The following SLC24A2 variants were observed in gnomAD, a reference collection of about 807,000 sequenced individuals.
SLC24A2 encodes solute carrier family 24 member 2.
SLC24A2 carries 36 observed loss-of-function variants against 62.0 expected under a neutral mutation model. The observed-to-expected ratio is 0.58, with a 90% CI of 0.44 to 0.77. The LOEUF (loss-of-function observed/expected upper bound fraction) is 0.77. SLC24A2 is among the 30% of genes least tolerant of loss of function. The pLI is 0.00. For missense variants in SLC24A2, 846 were observed against 817.9 expected (o/e 1.03, Z -0.42); for synonymous variants, 358 against 294.0 (o/e 1.22, Z -2.23).
chr9:20,036,326 G>C, the SLC24A2 span, among the ~76,000 whole-genome samples: 1 of 152,042 alleles, frequency 6.6e-6, no homozygotes, highest in Non-Finnish European at 1.5e-5. Flanking sequence ...GACACTTGTT[G>C]TAATGGGAAC....
the SLC24A2 span, among the ~76,000 whole-genome samples, chr9:19,843,267 C>G: frequency 9.9e-5 from 15 of 152,266 alleles, no homozygotes; most frequent in Non-Finnish European, 2.2e-4. Flanking sequence ...TTTGGGAGGC[C>G]AAGGTGGGTG....
the SLC24A2 span, among the ~76,000 whole-genome samples, chr9:20,203,749 G>A: frequency 2.0e-5 from 3 of 152,212 alleles, no homozygotes; most frequent in South Asian, 4.1e-4. Context: ...AATTAGCTGG[G>A]TGTGGTGACA....
chr9:19,971,184 A>G, the SLC24A2 span, among the ~76,000 whole-genome samples: 3 of 152,140 alleles, frequency 2.0e-5, no homozygotes, highest in African/African-American at 7.2e-5. Context: ...CCTAGCTGAA[A>G]CTATCCTAGG....
chr9:19,658,504 G>C (rs151267333), intron 2 of SLC24A2, among the ~76,000 whole-genome samples: 1 of 152,212 alleles, frequency 6.6e-6, no homozygotes, highest in African/African-American at 2.4e-5. Flanking sequence ...TGAGCACCAA[G>C]TTAAAAAGCC....
At chr9:20,152,910 A>G in the SLC24A2 span, among the ~76,000 whole-genome samples, 3 of 151,974 alleles carry the variant, frequency 2.0e-5, no homozygotes, top group East Asian at 1.9e-4. Flanking sequence ...CAAAACTCTT[A>G]GAATTTGGAG....
At chr9:20,171,049 T>C in the SLC24A2 span, among the ~76,000 whole-genome samples, 4 of 152,010 alleles carry the variant, frequency 2.6e-5, no homozygotes, top group Admixed American at 6.6e-5. Flanking sequence ...CTAGAAGGGA[T>C]TGGGGCCCTA....
the SLC24A2 span, among the ~76,000 whole-genome samples, chr9:19,846,346 C>T: frequency 4.6e-5 from 7 of 151,976 alleles, no homozygotes; most frequent in Non-Finnish European, 2.9e-5. Context: ...TTATGTAATG[C>T]CTTTCTTTGT....
At chr9:20,306,983 T>TGA in the SLC24A2 span, among the ~76,000 whole-genome samples, 1 of 152,124 alleles carries the variant, frequency 6.6e-6, no homozygotes, top group Non-Finnish European at 1.5e-5. Context: ...CAGATCTTAA[T>TGA]GTTATTTTCT....
At chr9:20,236,316 C>T in the SLC24A2 span, among the ~76,000 whole-genome samples, 2 of 152,250 alleles carry the variant, frequency 1.3e-5, no homozygotes, top group East Asian at 1.9e-4. Flanking sequence ...AAGACAGATA[C>T]ATACAATACT....
chr9:20,273,807 T>C, the SLC24A2 span, among the ~76,000 whole-genome samples: 3 of 152,340 alleles, frequency 2.0e-5, no homozygotes, highest in Non-Finnish European at 4.4e-5. Flanking sequence ...TGTTCAATCA[T>C]ATTTCTACAC....
chr9:19,948,267 C>CT, the SLC24A2 span, among the ~76,000 whole-genome samples: 3 of 152,300 alleles, frequency 2.0e-5, 1 homozygote, highest in East Asian at 5.8e-4. Context: ...CCAAATGTCT[C>CT]TGAGTTGCTA....
At chr9:20,223,620 G>A in the SLC24A2 span, among the ~76,000 whole-genome samples, 1 of 152,156 alleles carries the variant, frequency 6.6e-6, no homozygotes, top group Non-Finnish European at 1.5e-5. Context: ...ATTGGTGCAG[G>A]TGAATAGACA....
At chr9:19,825,150 T>C in the SLC24A2 span, among the ~76,000 whole-genome samples, 1 of 152,168 alleles carries the variant, frequency 6.6e-6, no homozygotes, top group Admixed American at 6.6e-5. Context: ...CATACCTGCA[T>C]GTTCTGCACA....
chr9:19,576,870 G>T lies in SLC24A2; in HGVS notation c.1228+54C>A, dbSNP rs190443006. The T allele has an allele frequency of 3.4e-4, 457 of 1,355,148 alleles. 4 individuals are homozygous for T. The African/African-American group carries it at 5.5e-3, about 16-fold the overall frequency. The allele number at this position is 1,355,148 out of a possible 1,614,324, so 83.9% of individuals were successfully genotyped here. A position where few individuals can be genotyped will look rare whatever the true frequency, so the allele number is the denominator to read the frequency against. The stretch of plus-strand genomic sequence containing the variant: ...GTGCCCACACTGGTCCTGACTCTCT[G>T]CTCCCCTCGCTTCCCCCAGGAAAGG... On this transcript the variant is annotated intron_variant, in intron 6 of 10. Coordinates refer to ENST00000341998, the MANE Select transcript of SLC24A2 (RefSeq NM_020344.4).
chr9:20,079,471 A>G, the SLC24A2 span, among the ~76,000 whole-genome samples: 19 of 152,280 alleles, frequency 1.2e-4, no homozygotes, highest in African/African-American at 4.6e-4. Context: ...ATGAAATACT[A>G]TTTTGTTTTC....
At chr9:19,988,404 T>G in the SLC24A2 span, among the ~76,000 whole-genome samples, 1 of 152,174 alleles carries the variant, frequency 6.6e-6, no homozygotes. Flanking sequence ...TCACAAGGCT[T>G]TTAATCCCCA....
At chr9:19,740,831 C>G (rs778813821) in intron 2 of SLC24A2, among the ~76,000 whole-genome samples, 3 of 149,558 alleles carry the variant, frequency 2.0e-5, no homozygotes, top group Non-Finnish European at 3.0e-5. Flanking sequence ...CTATTCTTTC[C>G]ATTTTGTGTA....
At chr9:19,947,808 A>AAGAAAAGAAAGAAAGAAAG in the SLC24A2 span, among the ~76,000 whole-genome samples, 13 of 59,226 alleles carry the variant, frequency 2.2e-4, no homozygotes, top group African/African-American at 9.5e-4. Flanking sequence ...AAAAAAAAAA[A>AAGAAAAGAAAGAAAGAAAG]AAAGAAAGAA....
intron 2 of SLC24A2, among the ~76,000 whole-genome samples, chr9:19,750,620 T>C (rs915569615): frequency 6.6e-6 from 1 of 152,148 alleles, no homozygotes; most frequent in African/African-American, 2.4e-5. Context: ...ACTCTTTTCA[T>C]CGATATCTTT....
Sources: allele counts gnomAD v4.1 joint callset (sites outside exome capture counted in the v4.1 genomes callset), GRCh38; gene constraint gnomAD v4.1.1; transcripts MANE v1.5; gene names NCBI Gene and HGNC (gene_info 2026-07-23, HGNC 2026-07-21).